Variants in ACOXL observed in about 807,000 individuals in gnomAD.
The protein encoded by ACOXL is acyl-coenzyme A oxidase-like protein.
ACOXL carries 70 observed loss-of-function variants against 71.9 expected under a neutral mutation model. The ratio of observed to expected loss-of-function variants is 0.97; its 90% confidence interval spans 0.80 to 1.19. The LOEUF (loss-of-function observed/expected upper bound fraction) is 1.19, where lower values mean the gene tolerates loss of function less well. Ranked by LOEUF, ACOXL falls within the 50% of genes most tolerant of loss-of-function variation. The pLI, the probability that ACOXL is intolerant of heterozygous loss-of-function variation, is 0.00. For synonymous variants in ACOXL, 253 were observed against 281.6 expected, an observed-to-expected ratio of 0.90 and a Z score of 1.02; for missense variants, 703 against 736.3, an observed-to-expected ratio of 0.95 and a Z score of 0.52.
intron 10 of ACOXL, among the ~76,000 whole-genome samples, chr2:110,877,885 G>A (rs1304660556): frequency 1.3e-5 from 2 of 152,210 alleles, no homozygotes; most frequent in Non-Finnish European, 1.5e-5. Flanking sequence ...TCTGGGGAGA[G>A]CACTGCATCC....
chr2:110,809,446 C>T, intron 9 of ACOXL, among the ~76,000 whole-genome samples: 1 of 152,216 alleles, frequency 6.6e-6, no homozygotes, highest in East Asian at 1.9e-4. Flanking sequence ...CTCAGCCAGT[C>T]CTGAGAGCCT....
chr2:110,986,297 A>T (rs1395450630), intron 12 of ACOXL, among the ~76,000 whole-genome samples: 1 of 152,236 alleles, frequency 6.6e-6, no homozygotes, highest in African/African-American at 2.4e-5. Context: ...TCTTAAATTG[A>T]TAGTTGAAAG....
chr2:111,013,887 A>G (rs746040601), intron 14 of ACOXL, among the ~76,000 whole-genome samples: 30 of 152,378 alleles, frequency 2.0e-4, no homozygotes, highest in Admixed American at 1.3e-3. Flanking sequence ...ATAATAGAAT[A>G]CATCATAACA....
At chr2:111,015,896 A>G (rs6733493) in intron 14 of ACOXL, among the ~76,000 whole-genome samples, 136,677 of 152,166 alleles carry the variant, frequency 0.9, 61,636 homozygotes, top group African/African-American at 0.97. Flanking sequence ...AATTCCATTT[A>G]TGTGCCATTC....
intron 16 of ACOXL, among the ~76,000 whole-genome samples, chr2:111,065,359 C>G (rs890972892): frequency 3.3e-5 from 5 of 152,152 alleles, no homozygotes; most frequent in African/African-American, 1.2e-4. Context: ...TGAAATTTAA[C>G]TCAAAATAGA....
At position 110,784,767 on chromosome 2, in the gene ACOXL, T is replaced by C; in HGVS notation, c.111T>C (p.Leu37=). Reference sequence around the variant, plus strand: ...CAAAGAATTTTGTCAGCCGAAGCCTTGTCATAGGAGAAGTCCTCTCCATGG... The same window carrying C: ...CAAAGAATTTTGTCAGCCGAAGCCTCGTCATAGGAGAAGTCCTCTCCATGG... ...EKTKNFVSRS[L]VIGEVLSMAD... is the part of the protein sequence containing the mutation. Residue 37 remains leucine (L), a synonymous_variant, in exon 3 of 18, where the codon CTT becomes CTC. Coordinates refer to ENST00000439055, the MANE Select transcript of ACOXL (RefSeq NM_001142807.4). 6.2e-7 allele frequency: 1 copy of C among 1,610,074 alleles called. No individual in the cohort carries two copies. Among genetic ancestry groups the C allele is most frequent in the Non-Finnish European group, 8.5e-7 (1 of 1,178,444 alleles).
intron 12 of ACOXL, among the ~76,000 whole-genome samples, chr2:110,953,380 G>A (rs375306093): frequency 2.0e-5 from 3 of 151,678 alleles, no homozygotes; most frequent in Non-Finnish European, 4.4e-5. Flanking sequence ...AAAATGGCCC[G>A]TGTCATAAAG....
At chr2:110,873,615 C>G (rs1695535062) in intron 10 of ACOXL, among the ~76,000 whole-genome samples, 1 of 152,192 alleles carries the variant, frequency 6.6e-6, no homozygotes, top group South Asian at 2.1e-4. Context: ...ACTGTCCCCA[C>G]TGCTCAGCTT....
intron 14 of ACOXL, among the ~76,000 whole-genome samples, chr2:111,010,346 A>C (rs2064089416): frequency 1.3e-5 from 2 of 152,178 alleles, no homozygotes; most frequent in South Asian, 4.1e-4. Context: ...TGGGATTAAC[A>C]ACACACTGGG....
At chr2:110,821,510 C>T (rs1028206702) in intron 9 of ACOXL, among the ~76,000 whole-genome samples, 6 of 152,144 alleles carry the variant, frequency 3.9e-5, no homozygotes, top group African/African-American at 1.4e-4. Flanking sequence ...CTAAGAGGGA[C>T]CATCACTGAG....
intron 9 of ACOXL, among the ~76,000 whole-genome samples, chr2:110,820,893 G>A (rs1465294145): frequency 6.6e-6 from 1 of 152,148 alleles, no homozygotes; most frequent in Non-Finnish European, 1.5e-5. Flanking sequence ...GAGGGTGGGA[G>A]AAGGTGTAGG....
chr2:111,116,345 G>A (rs1316122333), intron 17 of ACOXL, among the ~76,000 whole-genome samples: 1 of 152,178 alleles, frequency 6.6e-6, no homozygotes, highest in Non-Finnish European at 1.5e-5. Context: ...TTTTTCATTA[G>A]AAATTACTGG....
intron 14 of ACOXL, among the ~76,000 whole-genome samples, chr2:111,008,185 T>A (rs539416894): frequency 5.1e-4 from 77 of 152,358 alleles, no homozygotes; most frequent in African/African-American, 1.7e-3. Flanking sequence ...CAAGTTAGGT[T>A]CATTTGTAAC....
intron 15 of ACOXL, among the ~76,000 whole-genome samples, chr2:111,046,509 C>A (rs1480615541): frequency 6.6e-6 from 1 of 152,164 alleles, no homozygotes; most frequent in Non-Finnish European, 1.5e-5. Flanking sequence ...AAGAAACTTA[C>A]AATCATGGCA....
intron 12 of ACOXL, chr2:110,968,844 ACT>A (rs1215799206): frequency 8.5e-6 from 3 of 351,602 alleles, no homozygotes; most frequent in Admixed American, 4.5e-5. Context: ...TGTATGGAAC[ACT>A]CTATTCAACA....
chr2:110,958,575 A>G (rs2061587841), intron 12 of ACOXL, among the ~76,000 whole-genome samples: 2 of 152,236 alleles, frequency 1.3e-5, no homozygotes, highest in Admixed American at 1.3e-4. Flanking sequence ...CCTGCTCAGC[A>G]GACATCTGTG....
chr2:111,029,251 C>T (rs2065154767), intron 14 of ACOXL, among the ~76,000 whole-genome samples: 1 of 152,214 alleles, frequency 6.6e-6, no homozygotes, highest in Admixed American at 6.5e-5. Context: ...AAATCCCCTC[C>T]TGGAACCTCG....
At chr2:111,067,624 G>A (rs1442157608) in intron 16 of ACOXL, among the ~76,000 whole-genome samples, 2 of 152,160 alleles carry the variant, frequency 1.3e-5, no homozygotes, top group Non-Finnish European at 2.9e-5. Flanking sequence ...ATATGGAAGA[G>A]TATTCTGTCA....
intron 9 of ACOXL, among the ~76,000 whole-genome samples, chr2:110,836,185 C>T (rs970383485): frequency 6.6e-6 from 1 of 152,126 alleles, no homozygotes; most frequent in African/African-American, 2.4e-5. Flanking sequence ...TGCCTGGGGA[C>T]GACCAGCCCT....
Sources: allele counts gnomAD v4.1 joint callset (sites outside exome capture counted in the v4.1 genomes callset), GRCh38; gene constraint gnomAD v4.1.1; transcripts MANE v1.5; gene names NCBI Gene and HGNC (gene_info 2026-07-23, HGNC 2026-07-21).